Variants in PTPRZ1 observed in about 807,000 individuals in gnomAD.
The protein encoded by PTPRZ1 is protein tyrosine phosphatase receptor type Z1.
A neutral mutation model predicts 214.1 loss-of-function variants in PTPRZ1; 82 were observed. The ratio of observed to expected loss-of-function variants is 0.38; its 90% CI spans 0.32 to 0.46. The LOEUF is 0.46. Among genes scored for constraint, PTPRZ1 ranks in the 20% least tolerant of loss-of-function variants. PTPRZ1 has a pLI of 1.00. For missense variants in PTPRZ1, 2,603 were observed against 2,748.7 expected (o/e 0.95, Z 1.19); for synonymous variants, 945 against 987.9 (o/e 0.96, Z 0.81).
chr7:122,026,143 T>G (rs1562870084), intron 13 of PTPRZ1, among the ~76,000 whole-genome samples: 1 of 152,094 alleles, frequency 6.6e-6, no homozygotes, highest in South Asian at 2.1e-4. Flanking sequence ...AGTTTTGAGT[T>G]AGTAGAAGAA....
At chr7:122,028,266 A>C (rs1147499) in intron 13 of PTPRZ1, 13,152 of 247,744 alleles carry the variant, frequency 0.053, 656 homozygotes, top group African/African-American at 0.15. Flanking sequence ...TATATTAACA[A>C]AGTATCACTT....
chr7:121,930,972 A>T (rs999678907), intron 2 of PTPRZ1, among the ~76,000 whole-genome samples: 1 of 152,158 alleles, frequency 6.6e-6, no homozygotes, highest in African/African-American at 2.4e-5. Context: ...CCTGGAAAAT[A>T]TCTGCCAGTG....
intron 23 of PTPRZ1, among the ~76,000 whole-genome samples, chr7:122,047,851 C>T (rs903233824): frequency 3.9e-5 from 6 of 151,962 alleles, no homozygotes; most frequent in African/African-American, 7.3e-5. Flanking sequence ...GATGGGGTTT[C>T]GCCATGTTGC....
At chr7:122,059,531 A>C (rs1792495242) in intron 28 of PTPRZ1, 7 of 462,406 alleles carry the variant, frequency 1.5e-5, no homozygotes, top group Non-Finnish European at 2.6e-5. Context: ...CCATAAGCAA[A>C]TACTAAACTT....
At chr7:121,894,383 G>C (rs1293582113) in intron 1 of PTPRZ1, among the ~76,000 whole-genome samples, 1 of 151,876 alleles carries the variant, frequency 6.6e-6, no homozygotes, top group Non-Finnish European at 1.5e-5. Flanking sequence ...ACTGCTTTTT[G>C]TACAAATCTT....
chr7:121,912,300 A>AT (rs1795302733), intron 1 of PTPRZ1, among the ~76,000 whole-genome samples: 1 of 152,218 alleles, frequency 6.6e-6, no homozygotes, highest in Admixed American at 6.5e-5. Context: ...GGGAAACAAT[A>AT]TAAGAGATGG....
rs76251479 is a variant in PTPRZ1 at position 121,913,232 on chromosome 7, C to T, written c.59-14924C>T. On this transcript the variant is annotated intron_variant, in intron 1 of 29. Transcript: ENST00000393386. ...CAGAGAAAGGAGAAAGTAGAGATACCCAGTTGGAGAAATGGCTGAGCAAAG... is the reference window on the plus strand; with the variant it reads ...CAGAGAAAGGAGAAAGTAGAGATACTCAGTTGGAGAAATGGCTGAGCAAAG... 5.7e-3 allele frequency among the ~76,000 whole-genome samples: 865 copies of T among 152,086 alleles called. 9 individuals are homozygous for T. Among genetic ancestry groups the T allele is most frequent in the African/African-American group, 0.019 (801 of 41,478 alleles).
In PTPRZ1 at chr7:122,012,491, G is replaced by C. The variant is rs1238615552; in HGVS notation, c.3445G>C (p.Glu1149Gln). 3 of 1,614,052 alleles carry C rather than the reference G, an allele frequency of 1.9e-6. No individual in the cohort carries two copies. The highest frequency in any genetic ancestry group is 2.5e-6 in the Non-Finnish European group (3 of 1,179,998). The change falls in exon 12 of 30, where the codon GAG (glutamate) becomes CAG (glutamine). Residue 1149 changes from glutamate (E) to glutamine (Q), a missense_variant. Glu to Gln is a conservative substitution (Grantham distance 29, BLOSUM62 2). Around this residue, in one of 6 missense-constraint regions of PTPRZ1, gnomAD observed 1,913 missense variants for 1,914.3 expected, o/e 1.00. Coordinates refer to ENST00000393386, the MANE Select transcript of PTPRZ1 (RefSeq NM_002851.3). Reference protein sequence around the residue: ...SLKPVLSANSEPASSDPASSE... With the variant: ...SLKPVLSANSQPASSDPASSE... ...TAAACCTGTGCTTAGTGCAAACTCA[G>C]AGCCAGCATCCTCTGACCCTGCTTC...
chr7:121,996,298 A>G (rs1307903381), intron 8 of PTPRZ1, 84 bp from the exon 9 acceptor site: 1 of 1,005,992 alleles, frequency 9.9e-7, no homozygotes, highest in East Asian at 2.8e-5. Context: ...ATAAAACACA[A>G]TAAAATTTTT....
At chr7:121,981,035 G>C (rs918512898) in intron 6 of PTPRZ1, among the ~76,000 whole-genome samples, 29 of 152,200 alleles carry the variant, frequency 1.9e-4, no homozygotes, top group African/African-American at 7.0e-4. Flanking sequence ...CCAGCTACTC[G>C]GGAGGCTGAG....
intron 2 of PTPRZ1, among the ~76,000 whole-genome samples, chr7:121,963,822 T>C (rs1796954619): frequency 6.6e-6 from 1 of 152,156 alleles, no homozygotes; most frequent in Admixed American, 6.6e-5. Flanking sequence ...CTTGACTGCC[T>C]ATCCTGCCTC....
At chr7:121,965,732 A>G (rs1584690386) in intron 2 of PTPRZ1, among the ~76,000 whole-genome samples, 1 of 152,304 alleles carries the variant, frequency 6.6e-6, no homozygotes, top group Non-Finnish European at 1.5e-5. Flanking sequence ...AAATTTTGGG[A>G]GCCAAGTCAT....
intron 2 of PTPRZ1, among the ~76,000 whole-genome samples, chr7:121,934,422 A>G (rs180970362): frequency 4.3e-5 from 6 of 139,524 alleles, no homozygotes; most frequent in Admixed American, 1.6e-4. Flanking sequence ...CTGCATTTCG[A>G]GCTTGCAGTG....
intron 1 of PTPRZ1, among the ~76,000 whole-genome samples, chr7:121,894,638 T>C (rs1794732710): frequency 6.6e-6 from 1 of 152,166 alleles, no homozygotes; most frequent in Admixed American, 6.5e-5. Flanking sequence ...ACTCCTGAGA[T>C]CAAGCAATCT....
chr7:121,920,091 T>C (rs1258855060), intron 1 of PTPRZ1, among the ~76,000 whole-genome samples: 1 of 152,206 alleles, frequency 6.6e-6, no homozygotes, highest in African/African-American at 2.4e-5. Context: ...TTTGTTCCTT[T>C]ATGAACTTGC....
rs367732822 is a variant in PTPRZ1, at chr7:122,012,957, A to G, written c.3911A>G (p.His1304Arg). ...GCCAATTTGGAGATTAACCAGGCCC[A>G]TCCCCCAAAAGGAAGGCATGTATTT... ...QTANLEINQA[H>R]PPKGRHVFAT... The change falls in exon 12 of 30, where the codon CAT (histidine) becomes CGT (arginine). Residue 1304 changes from histidine (H) to arginine (R), a missense_variant. This residue lies in a region of PTPRZ1 where 1,913 missense variants were observed against 1,914.3 expected (regional missense o/e 1.00). Coordinates refer to ENST00000393386, the MANE Select transcript of PTPRZ1 (RefSeq NM_002851.3). 2.5e-6 allele frequency: 4 copies of G among 1,614,018 alleles called. No individual in the cohort carries two copies. The highest frequency in any genetic ancestry group is 2.2e-5 in the East Asian group (1 of 44,892).
At chr7:121,936,246 C>A (rs1796082713) in intron 2 of PTPRZ1, among the ~76,000 whole-genome samples, 2 of 152,110 alleles carry the variant, frequency 1.3e-5, no homozygotes, top group South Asian at 2.1e-4. Flanking sequence ...ATTATTCAGA[C>A]AAATTTTTAT....
At chr7:121,891,065 A>G (rs1171241050) in intron 1 of PTPRZ1, among the ~76,000 whole-genome samples, 1 of 152,036 alleles carries the variant, frequency 6.6e-6, no homozygotes, top group Admixed American at 6.6e-5. Flanking sequence ...TTTCTGGATC[A>G]CCAAGGCACA....
intron 23 of PTPRZ1, among the ~76,000 whole-genome samples, chr7:122,050,473 G>C (rs1023448344): frequency 6.9e-6 from 1 of 144,840 alleles, no homozygotes; most frequent in Admixed American, 7.0e-5. Context: ...AGGAGGGGAG[G>C]GGAGGAAAAT....
Sources: allele counts gnomAD v4.1 joint callset (sites outside exome capture counted in the v4.1 genomes callset), GRCh38; gene constraint gnomAD v4.1.1; regional missense constraint gnomAD v4.1.1; transcripts MANE v1.5; gene names NCBI Gene and HGNC (gene_info 2026-07-23, HGNC 2026-07-21).